The following EPB41L5 variants were observed in gnomAD, a reference collection of about 807,000 sequenced individuals.
The protein encoded by EPB41L5 is erythrocyte membrane protein band 4.1 like 5.
EPB41L5 carries 55 observed loss-of-function variants against 106.6 expected under a neutral mutation model. The observed-to-expected ratio is 0.52, with a 90% confidence interval of 0.42 to 0.65. The LOEUF is 0.65. Among genes scored for constraint, EPB41L5 ranks in the 30% least tolerant of loss-of-function variants. The pLI is 0.00. For missense variants in EPB41L5, 871 were observed against 882.1 expected (o/e 0.99, Z 0.16); for synonymous variants, 297 against 306.7 (o/e 0.97, Z 0.33).
At chr2:120,144,885 A>G (rs956407816) in intron 19 of EPB41L5, among the ~76,000 whole-genome samples, 1 of 152,238 alleles carries the variant, frequency 6.6e-6, no homozygotes, top group African/African-American at 2.4e-5. Context: ...TCACCATATT[A>G]AAAAATACAT....
chr2:120,096,945 A>G (rs1291674872), intron 14 of EPB41L5, among the ~76,000 whole-genome samples: 2 of 152,252 alleles, frequency 1.3e-5, no homozygotes, highest in East Asian at 3.8e-4. Flanking sequence ...AGTACCTGCT[A>G]AAGTTAGCAG....
intron 11 of EPB41L5, among the ~76,000 whole-genome samples, chr2:120,088,520 A>G (rs1683213018): frequency 6.6e-6 from 1 of 152,156 alleles, no homozygotes; most frequent in African/African-American, 2.4e-5. Flanking sequence ...ATGAAATAAC[A>G]TGTGCAATAA....
chr2:120,019,939 A>G (rs1036394722), intron 2 of EPB41L5, among the ~76,000 whole-genome samples: 1 of 151,572 alleles, frequency 6.6e-6, no homozygotes, highest in Non-Finnish European at 1.5e-5. Flanking sequence ...ATATATAATC[A>G]TAACTCAGTG....
At chr2:120,138,142 GAT>G (rs969806443) in intron 18 of EPB41L5, among the ~76,000 whole-genome samples, 7 of 151,764 alleles carry the variant, frequency 4.6e-5, no homozygotes, top group Middle Eastern at 3.2e-3. Flanking sequence ...AAAAACATTT[GAT>G]AAAGTTCAAT....
At chr2:120,094,676 T>G (rs557404945) in intron 14 of EPB41L5, among the ~76,000 whole-genome samples, 21 of 152,132 alleles carry the variant, frequency 1.4e-4, no homozygotes, top group Non-Finnish European at 2.8e-4. Context: ...ATCTGAGATC[T>G]TTATTTTTTA....
At chr2:120,047,389 T>C (rs1326323151) in intron 3 of EPB41L5, among the ~76,000 whole-genome samples, 3 of 152,026 alleles carry the variant, frequency 2.0e-5, no homozygotes, top group Non-Finnish European at 4.4e-5. Context: ...CCCTTGTAAG[T>C]TGGATTCCTA....
chr2:120,078,716 C>A, intron 10 of EPB41L5, 135 bp downstream of exon 10: 1 of 555,776 alleles, frequency 1.8e-6, no homozygotes, highest in East Asian at 3.2e-5. Flanking sequence ...TCTCCTGTCA[C>A]ACTATTACGC....
At chr2:120,018,126 AATTTTTTTTTGT>A (rs1213244086) in intron 1 of EPB41L5, among the ~76,000 whole-genome samples, 1 of 151,686 alleles carries the variant, frequency 6.6e-6, no homozygotes, top group Non-Finnish European at 1.5e-5. Context: ...ACGCCCGGCT[AATTTTTTTTTGT>A]ATTTTTTTTT....
intron 16 of EPB41L5, among the ~76,000 whole-genome samples, chr2:120,109,450 A>G (rs1198272075): frequency 6.6e-6 from 1 of 152,194 alleles, no homozygotes; most frequent in Non-Finnish European, 1.5e-5. Context: ...AGCAATCAGA[A>G]GAGGTCTTCT....
chr2:120,063,214 C>T (rs1222142229), intron 3 of EPB41L5, among the ~76,000 whole-genome samples: 14 of 151,760 alleles, frequency 9.2e-5, no homozygotes, highest in Admixed American at 2.6e-4. Flanking sequence ...TGGTGGCTCA[C>T]GCCTGTAGTC....
intron 13 of EPB41L5, 140 bp downstream of exon 13, chr2:120,091,801 A>G (rs746975241): frequency 1.7e-4 from 111 of 640,300 alleles, no homozygotes; most frequent in Non-Finnish European, 1.9e-5. Context: ...TGGCAGAATC[A>G]ATTTCATGGG....
chr2:120,173,485 T>A (rs977177950), intron 24 of EPB41L5, among the ~76,000 whole-genome samples: 1 of 152,080 alleles, frequency 6.6e-6, no homozygotes, highest in Non-Finnish European at 1.5e-5. Flanking sequence ...TCTCCCAAAT[T>A]CTAGAGACCC....
intron 1 of EPB41L5, among the ~76,000 whole-genome samples, chr2:120,014,111 A>C (rs1367347318): frequency 6.6e-6 from 1 of 152,236 alleles, no homozygotes; most frequent in Admixed American, 6.5e-5. Flanking sequence ...GACAAAATAT[A>C]GTGTTACCTT....
chr2:120,096,452 C>G (rs1313236890), intron 14 of EPB41L5, among the ~76,000 whole-genome samples: 2 of 152,124 alleles, frequency 1.3e-5, no homozygotes, highest in African/African-American at 4.8e-5. Flanking sequence ...GTGCTGTATA[C>G]TTTTATTTTT....
intron 20 of EPB41L5, among the ~76,000 whole-genome samples, chr2:120,155,417 C>A (rs1434217783): frequency 1.3e-5 from 2 of 152,170 alleles, no homozygotes; most frequent in African/African-American, 4.8e-5. Context: ...TTCTGTCTTG[C>A]AACTTTCGAG....
rs1407594536 is a variant in EPB41L5, at chr2:120,090,479, T to A, written c.1006T>A (p.Ser336Thr). ...CCCCGTCCAAAAGAGTTCTCATCGA[T>A]CAGGATTTATTCGACTAGGATCACG... The part of the protein sequence containing the change: ...RGPVQKSSHR[S>T]GFIRLGSRFR... Residue 336 changes from serine to threonine, a missense_variant, in exon 12 of 25, where the codon TCA becomes ACA. By Grantham distance (58) the Ser-to-Thr change is moderately conservative (BLOSUM62 1). Coordinates refer to ENST00000263713, the MANE Select transcript of EPB41L5 (RefSeq NM_020909.4). 4 of 1,613,496 alleles carry A rather than the reference T, an allele frequency of 2.5e-6. No homozygotes were observed. The East Asian group carries it at 8.9e-5, about 36-fold the overall frequency.
At chr2:120,114,122 A>G (rs540894667) in intron 16 of EPB41L5, among the ~76,000 whole-genome samples, 7 of 152,238 alleles carry the variant, frequency 4.6e-5, no homozygotes, top group South Asian at 4.2e-4. Context: ...CCACATCTTC[A>G]CCAACACTTA....
At chr2:120,148,277 T>A (rs1293233893) in intron 20 of EPB41L5, among the ~76,000 whole-genome samples, 1 of 152,156 alleles carries the variant, frequency 6.6e-6, no homozygotes, top group Admixed American at 6.5e-5. Context: ...TGTTTGAGAA[T>A]GTTCTAGAAA....
At chr2:120,040,027 TTTTG>T (rs1398200110) in intron 2 of EPB41L5, among the ~76,000 whole-genome samples, 33 of 151,708 alleles carry the variant, frequency 2.2e-4, no homozygotes, top group African/African-American at 7.5e-4. Flanking sequence ...TTAAATGTAA[TTTTG>T]TCATATTACT....
Sources: allele counts gnomAD v4.1 joint callset (sites outside exome capture counted in the v4.1 genomes callset), GRCh38; gene constraint gnomAD v4.1.1; transcripts MANE v1.5; gene names NCBI Gene and HGNC (gene_info 2026-07-23, HGNC 2026-07-21).